Variants in AGO2 observed in about 807,000 individuals in gnomAD.
AGO2 encodes protein argonaute-2.
Under a neutral mutation model 102.3 loss-of-function variants are expected in AGO2, and 5 were observed. The observed-to-expected ratio is 0.05, with a 90% CI of 0.03 to 0.10. AGO2 has a LOEUF of 0.10. AGO2 is among the 10% of genes least tolerant of loss of function. AGO2 has a pLI of 1.00. For missense variants in AGO2, 541 were observed against 1,183.7 expected (o/e 0.46, Z 7.97); for synonymous variants, 449 against 473.1 (o/e 0.95, Z 0.66).
In AGO2 at chr8:140,594,917, G is replaced by A. The variant is rs558971706; in HGVS notation, c.23-9606C>T. Reference sequence around the variant, plus strand: ...GACATCATAAATACACAAACCTAAAGGTATAAACGTACATATACAGAGTTT... The same window carrying A: ...GACATCATAAATACACAAACCTAAAAGTATAAACGTACATATACAGAGTTT... On this transcript the variant is annotated intron_variant, in intron 1 of 18. Coordinates refer to ENST00000220592, the MANE Select transcript of AGO2 (RefSeq NM_012154.5). 1.0e-3 allele frequency among the ~76,000 whole-genome samples: 158 copies of A among 151,360 alleles called. 1 individual carries two copies. The highest frequency in any genetic ancestry group is 9.0e-4 in the Non-Finnish European group (61 of 67,920).
intron 3 of AGO2, among the ~76,000 whole-genome samples, chr8:140,570,418 C>T (rs1241738592): frequency 6.6e-6 from 1 of 151,968 alleles, no homozygotes; most frequent in East Asian, 1.9e-4. Context: ...TTAGTACAGA[C>T]GGGATTTAGT....
intron 1 of AGO2, among the ~76,000 whole-genome samples, chr8:140,614,288 C>G (rs1441447230): frequency 6.6e-6 from 1 of 152,186 alleles, no homozygotes; most frequent in African/African-American, 2.4e-5. Context: ...CGTGCCACTG[C>G]ACTCCAGCCT....
intron 14 of AGO2, among the ~76,000 whole-genome samples, chr8:140,543,453 A>G (rs2072837772): frequency 6.6e-6 from 1 of 152,208 alleles, no homozygotes; most frequent in Admixed American, 6.5e-5. Flanking sequence ...TAATAATGGT[A>G]GCATTTTCTT....
chr8:140,626,681 G>A (rs1235633729), intron 1 of AGO2: 1 of 152,270 alleles, frequency 6.6e-6, no homozygotes, highest in Non-Finnish European at 1.5e-5. Flanking sequence ...CTGTTATGCT[G>A]AGGCGGGCAT....
intron 13 of AGO2, among the ~76,000 whole-genome samples, chr8:140,545,335 G>A (rs2072880632): frequency 6.6e-6 from 1 of 152,164 alleles, no homozygotes; most frequent in African/African-American, 2.4e-5. Context: ...CCGAGCCTCA[G>A]GCCTCGCTGC....
rs986445161 is a variant in AGO2 at position 140,635,512 on chromosome 8, C to A, written c.-6G>T. 29 of 980,098 alleles carry A rather than the reference C, an allele frequency of 3.0e-5. No homozygotes were observed. The African/African-American group carries it at 4.2e-4, about 14-fold the overall frequency. The allele number at this position is 980,098 out of a possible 1,614,324, so 60.7% of individuals were successfully genotyped here. ...GGGCCGGCTCCCGAGTACATGGTGG[C>A]GCCGCCGAGGGGCTCCGGGGCCGAG... On this transcript the variant is annotated 5_prime_UTR_variant, in exon 1 of 19. Transcript: ENST00000220592.
At chr8:140,610,533 T>C (rs1465582646) in intron 1 of AGO2, among the ~76,000 whole-genome samples, 3 of 152,180 alleles carry the variant, frequency 2.0e-5, no homozygotes, top group African/African-American at 7.2e-5. Context: ...GCTTTCTTAA[T>C]AACGGAATAA....
At chr8:140,610,215 A>AC (rs2074058133) in intron 1 of AGO2, among the ~76,000 whole-genome samples, 2 of 151,974 alleles carry the variant, frequency 1.3e-5, no homozygotes, top group Non-Finnish European at 2.9e-5. Flanking sequence ...AGAAACAAAA[A>AC]CAAACACCCC....
chr8:140,552,195 G>A (rs942953089), intron 10 of AGO2, among the ~76,000 whole-genome samples: 12 of 152,242 alleles, frequency 7.9e-5, no homozygotes, highest in Non-Finnish European at 1.8e-4. Flanking sequence ...GATCAGAGCT[G>A]GGACTGAGCC....
At chr8:140,581,548 T>C (rs1302607019) in intron 2 of AGO2, among the ~76,000 whole-genome samples, 1 of 152,012 alleles carries the variant, frequency 6.6e-6, no homozygotes, top group Non-Finnish European at 1.5e-5. Context: ...TGTATACTGC[T>C]TTATGCTCTC....
chr8:140,593,214 GA>G (rs1314125302), intron 1 of AGO2: 8 of 151,276 alleles, frequency 5.3e-5, no homozygotes, highest in African/African-American at 1.9e-4. Context: ...TTTTTTTTGA[GA>G]TGGAGTCTCG....
chr8:140,593,550 TA>T (rs201599088), intron 1 of AGO2, among the ~76,000 whole-genome samples: 29,586 of 135,330 alleles, frequency 0.22, 3,381 homozygotes, highest in Admixed American at 0.33. Flanking sequence ...CTAGGAAAGT[TA>T]AAAAAAAAAA....
At position 140,618,322 on chromosome 8, in the gene AGO2, GA is replaced by G. The variant is rs1190190120; in HGVS notation, c.22+17162del. Among the ~76,000 whole-genome samples, 327 of 131,280 alleles carry G rather than the reference GA, an allele frequency of 2.5e-3. 1 individual carries two copies. The highest frequency in any genetic ancestry group is 4.2e-3 in the Middle Eastern group (1 of 238). 86.1% of individuals were successfully genotyped at this position (131,280 alleles called of 152,430 possible). A position where few individuals can be genotyped will look rare whatever the true frequency, so the allele number is the denominator to read the frequency against. On this transcript the variant is annotated intron_variant, in intron 1 of 18. Transcript: ENST00000220592. ...GCAACAGAGCAAGACTCCGTCTCAG[GA>G]AAAAAAAAAAAAAAAGTTGGCCAAG...
chr8:140,586,613 C>T (rs2073660452), intron 1 of AGO2, among the ~76,000 whole-genome samples: 2 of 152,218 alleles, frequency 1.3e-5, no homozygotes, highest in Admixed American at 1.3e-4. Context: ...AGCTCAGCAG[C>T]TCACCAAGAT....
Position 140,547,458 on chromosome 8 carries a change from C to G in AGO2, c.1748+10G>C. 1.2e-6 allele frequency: 2 copies of G among 1,612,502 alleles called. No individual in the cohort carries two copies. Among genetic ancestry groups the G allele is most frequent in the Non-Finnish European group, 8.5e-7 (1 of 1,179,098 alleles). The stretch of plus-strand genomic sequence containing the variant: ...GGTCCGCAGGCGGAGGTAAAGGGGC[C>G]GGGCCTCACCTGCCCTGGGGCAGCA... On this transcript the variant is annotated intron_variant, in intron 13 of 18. Coordinates refer to ENST00000220592, the MANE Select transcript of AGO2 (RefSeq NM_012154.5).
intron 1 of AGO2, among the ~76,000 whole-genome samples, chr8:140,625,384 G>T (rs1203397987): frequency 6.6e-6 from 1 of 152,124 alleles, no homozygotes; most frequent in Non-Finnish European, 1.5e-5. Context: ...GGGATTTCAG[G>T]CGTGAGCCAC....
At chr8:140,601,362 A>G (rs1005553147) in intron 1 of AGO2, among the ~76,000 whole-genome samples, 1 of 150,146 alleles carries the variant, frequency 6.7e-6, no homozygotes, top group Non-Finnish European at 1.5e-5. Flanking sequence ...CAGCCCCAGC[A>G]CCCCCCCGCC....
At chr8:140,543,601 G>A (rs1042321072) in intron 14 of AGO2, among the ~76,000 whole-genome samples, 7 of 152,096 alleles carry the variant, frequency 4.6e-5, no homozygotes, top group African/African-American at 1.7e-4. Context: ...AACTACAGGC[G>A]CACGCCACCA....
At position 140,562,516 on chromosome 8, in the gene AGO2, G is replaced by A; in HGVS notation, c.455C>T (p.Pro152Leu). The A allele has an allele frequency of 1.2e-6, 2 of 1,614,036 alleles. No homozygotes were observed. Among genetic ancestry groups the A allele is most frequent in the Non-Finnish European group, 1.7e-6 (2 of 1,180,028 alleles). The stretch of plus-strand genomic sequence containing the variant: ...CTGGATCGTCTCAAAAGGGACGCTG[G>A]GCAGCCGCCCTGAAAGTGCATCGTG... ...ALHDALSGRL[P>L]SVPFETIQAL... Residue 152 changes from proline (P) to leucine (L), a missense_variant, in exon 4 of 19, where the codon CCC becomes CTC. Physicochemically the swap from Pro to Leu is moderately conservative, Grantham distance 98 (BLOSUM62 -3). Coordinates refer to ENST00000220592, the MANE Select transcript of AGO2 (RefSeq NM_012154.5).
Sources: allele counts gnomAD v4.1 joint callset (sites outside exome capture counted in the v4.1 genomes callset), GRCh38; gene constraint gnomAD v4.1.1; transcripts MANE v1.5; gene names NCBI Gene and HGNC (gene_info 2026-07-23, HGNC 2026-07-21).